The following CNTN5 variants were observed in gnomAD, a reference collection of about 807,000 sequenced individuals.
CNTN5 encodes the protein contactin-5.
Under a neutral mutation model 129.1 loss-of-function variants are expected in CNTN5, and 77 were observed. The observed-to-expected ratio is 0.60, with a 90% CI of 0.50 to 0.72. The LOEUF is 0.72. CNTN5 is among the 30% of genes least tolerant of loss of function. CNTN5 has a pLI of 0.00. For synonymous variants in CNTN5, 509 were observed against 465.6 expected (o/e 1.09, Z -1.20); for missense variants, 1,478 against 1,328.8 (o/e 1.11, Z -1.75).
chr11:100,082,686 T>C (rs1356459712), intron 13 of CNTN5, among the ~76,000 whole-genome samples: 1 of 152,126 alleles, frequency 6.6e-6, no homozygotes, highest in Non-Finnish European at 1.5e-5. Flanking sequence ...TTGAACACGG[T>C]AGAAATTTCA....
chr11:99,085,046 C>A (rs2135296032), intron 1 of CNTN5, among the ~76,000 whole-genome samples: 1 of 148,992 alleles, frequency 6.7e-6, no homozygotes, highest in South Asian at 2.1e-4. Flanking sequence ...TCACTAGTAA[C>A]CAATTTTTTT....
intron 1 of CNTN5, among the ~76,000 whole-genome samples, chr11:99,062,680 A>C (rs532605377): frequency 6.6e-6 from 1 of 152,184 alleles, no homozygotes; most frequent in South Asian, 2.1e-4. Context: ...AAGGGGGTAC[A>C]TTATCTGTAA....
At chr11:99,230,190 A>G (rs1457176751) in intron 1 of CNTN5, among the ~76,000 whole-genome samples, 2 of 152,052 alleles carry the variant, frequency 1.3e-5, no homozygotes, top group Non-Finnish European at 2.9e-5. Context: ...TATATTTTTT[A>G]TATAATTAGA....
chr11:99,552,211 T>TTTC (rs1187180008), intron 2 of CNTN5, among the ~76,000 whole-genome samples: 1 of 150,268 alleles, frequency 6.7e-6, no homozygotes, highest in African/African-American at 2.5e-5. Context: ...TGGTCAGTTT[T>TTTC]TGTGTTTTTT....
At chr11:99,678,083 AC>A (rs1242086535) in intron 3 of CNTN5, among the ~76,000 whole-genome samples, 1 of 152,088 alleles carries the variant, frequency 6.6e-6, no homozygotes, top group Non-Finnish European at 1.5e-5. Flanking sequence ...TTATTTGGGT[AC>A]ATTTGACTCT....
intron 8 of CNTN5, among the ~76,000 whole-genome samples, chr11:99,974,761 C>A (rs1044199016): frequency 1.3e-5 from 2 of 152,138 alleles, no homozygotes; most frequent in African/African-American, 4.8e-5. Context: ...AATGCAGAGA[C>A]TAATTTTCTT....
intron 4 of CNTN5, among the ~76,000 whole-genome samples, chr11:99,837,720 A>G (rs1443655311): frequency 6.6e-6 from 1 of 151,314 alleles, no homozygotes; most frequent in Non-Finnish European, 1.5e-5. Flanking sequence ...CAAATATCAC[A>G]TGTGATAATG....
chr11:100,038,852 C>T (rs1001104548), intron 9 of CNTN5, among the ~76,000 whole-genome samples: 4 of 152,154 alleles, frequency 2.6e-5, no homozygotes, highest in Non-Finnish European at 4.4e-5. Context: ...TATTTTGAGC[C>T]TGTGTATGTG....
intron 3 of CNTN5, among the ~76,000 whole-genome samples, chr11:99,687,005 T>C (rs1254040071): frequency 6.6e-6 from 1 of 152,174 alleles, no homozygotes; most frequent in Non-Finnish European, 1.5e-5. Context: ...AACTGAGTTC[T>C]CAGAAACCAC....
At chr11:99,314,253 A>G (rs1865240712) in intron 1 of CNTN5, among the ~76,000 whole-genome samples, 1 of 152,100 alleles carries the variant, frequency 6.6e-6, no homozygotes, top group African/African-American at 2.4e-5. Context: ...TAGGATGTGC[A>G]TACTGGTGTG....
chr11:99,213,122 C>T (rs1343753925), intron 1 of CNTN5, among the ~76,000 whole-genome samples: 4 of 151,106 alleles, frequency 2.6e-5, no homozygotes, highest in East Asian at 1.9e-4. Flanking sequence ...ACCCGGGAGG[C>T]GGAGCTTGCA....
intron 2 of CNTN5, among the ~76,000 whole-genome samples, chr11:99,343,932 T>C (rs1044939473): frequency 1.3e-5 from 2 of 152,218 alleles, no homozygotes; most frequent in African/African-American, 4.8e-5. Flanking sequence ...TTTACATTCA[T>C]AAAATGTCAT....
intron 9 of CNTN5, among the ~76,000 whole-genome samples, chr11:100,035,738 T>G (rs1941957289): frequency 6.7e-6 from 1 of 150,048 alleles, no homozygotes; most frequent in African/African-American, 2.5e-5. Flanking sequence ...TGAGCATTTT[T>G]TCATGTGTTT....
intron 10 of CNTN5, among the ~76,000 whole-genome samples, chr11:100,067,696 G>C (rs1423909287): frequency 1.3e-5 from 2 of 151,958 alleles, no homozygotes; most frequent in African/African-American, 4.8e-5. Flanking sequence ...TTTACTTGTA[G>C]AATTCTTGGT....
At chr11:99,802,093 C>T (rs1946131700) in intron 3 of CNTN5, among the ~76,000 whole-genome samples, 1 of 152,162 alleles carries the variant, frequency 6.6e-6, no homozygotes, top group South Asian at 2.1e-4. Context: ...TTCTTGTTCT[C>T]CACCCAGGGT....
At chr11:99,269,997 C>T (rs1307751807) in intron 1 of CNTN5, among the ~76,000 whole-genome samples, 1 of 151,820 alleles carries the variant, frequency 6.6e-6, no homozygotes, top group African/African-American at 2.4e-5. Context: ...ATGCTATGGA[C>T]TAGCCTTACA....
At chr11:100,211,578 A>G (rs1298443092) in intron 15 of CNTN5, among the ~76,000 whole-genome samples, 1 of 152,178 alleles carries the variant, frequency 6.6e-6, no homozygotes, top group Non-Finnish European at 1.5e-5. Context: ...ATCTGTAGTT[A>G]TAAATAGAAG....
intron 9 of CNTN5, among the ~76,000 whole-genome samples, chr11:100,044,166 T>G (rs542838597): frequency 2.2e-5 from 1 of 45,862 alleles, no homozygotes; most frequent in South Asian, 6.9e-4. Flanking sequence ...ATATTACATA[T>G]CATGTATATA....
chr11:99,687,724 G>T (rs1342830981), intron 3 of CNTN5, among the ~76,000 whole-genome samples: 4 of 152,252 alleles, frequency 2.6e-5, no homozygotes. Context: ...ATAAGATTCT[G>T]CTGCCTTTAT....
Sources: allele counts gnomAD v4.1 joint callset (sites outside exome capture counted in the v4.1 genomes callset), GRCh38; gene constraint gnomAD v4.1.1; transcripts MANE v1.5; gene names NCBI Gene and HGNC (gene_info 2026-07-23, HGNC 2026-07-21).